The following SORCS2 variants were observed in gnomAD, a reference collection of about 807,000 sequenced individuals.
The protein encoded by SORCS2 is VPS10 domain-containing receptor SorCS2.
In SORCS2, 100 loss-of-function variants were observed where a neutral mutation model predicts 141.6. That is an observed-to-expected ratio of 0.71 (90% CI 0.60 to 0.83). The LOEUF is 0.83. SORCS2 is among the 40% of genes least tolerant of loss of function. The pLI is 0.00. For missense variants in SORCS2, 1,646 were observed against 1,560.2 expected, an observed-to-expected ratio of 1.05 and a Z score of -0.93; for synonymous variants, 789 against 676.9, an observed-to-expected ratio of 1.17 and a Z score of -2.57.
In SORCS2 at chr4:7,685,688, A is replaced by ATATATATATATATATAT. The variant is rs1553904098; in HGVS notation, c.1488+2799_1488+2800insTATATATATATATATAT. On this transcript the variant is annotated intron_variant, in intron 10 of 26. Transcript: ENST00000507866. ...TCCACCTCAAAAATTAAAATAAATA[A>ATATATATATATATATAT]ATATATATATATATGACAGCCGTAT... Among the ~76,000 whole-genome samples, 98 of 149,702 alleles carry ATATATATATATATATAT rather than the reference A, an allele frequency of 6.5e-4. 2 individuals carry two copies. The highest frequency in any genetic ancestry group is 2.3e-3 in the African/African-American group (94 of 40,342).
Position 7,235,473 on chromosome 4 carries a change from G to C in SORCS2, c.480+42347G>C, listed in dbSNP as rs183760123. Reference sequence around the variant, plus strand: ...GTCCAATCCTGGTCCCCTTAGCCTTGAGTGACTGTGTCTTGACTGTAGGCT... The same window carrying C: ...GTCCAATCCTGGTCCCCTTAGCCTTCAGTGACTGTGTCTTGACTGTAGGCT... On this transcript the variant is annotated intron_variant, in intron 1 of 26. Transcript: ENST00000507866. 3.6e-3 allele frequency among the ~76,000 whole-genome samples: 546 copies of C among 152,244 alleles called. 2 individuals are homozygous for C. The highest frequency in any genetic ancestry group is 0.012 in the African/African-American group (515 of 41,476).
intron 1 of SORCS2, among the ~76,000 whole-genome samples, chr4:7,373,032 T>G (rs1208247738): frequency 6.6e-6 from 1 of 150,474 alleles, no homozygotes; most frequent in Non-Finnish European, 1.5e-5. Context: ...TCCCCTATCA[T>G]GCATAAAGTG....
At chr4:7,558,654 A>C (rs1714308231) in intron 3 of SORCS2, among the ~76,000 whole-genome samples, 1 of 152,180 alleles carries the variant, frequency 6.6e-6, no homozygotes, top group South Asian at 2.1e-4. Context: ...TATGACCGGC[A>C]CAGGGACACC....
chr4:7,489,743 TC>T (rs869280795), intron 2 of SORCS2, among the ~76,000 whole-genome samples: 1 of 126,462 alleles, frequency 7.9e-6, no homozygotes. Context: ...ACAGACGGAG[TC>T]TGTGTTTTGG....
At chr4:7,465,338 A>G (rs1938373206) in intron 2 of SORCS2, among the ~76,000 whole-genome samples, 1 of 152,220 alleles carries the variant, frequency 6.6e-6, no homozygotes, top group African/African-American at 2.4e-5. Flanking sequence ...AAGGGCACAC[A>G]TCTTGCGAGT....
At chr4:7,339,167 G>A (rs1251251028) in intron 1 of SORCS2, among the ~76,000 whole-genome samples, 1 of 152,174 alleles carries the variant, frequency 6.6e-6, no homozygotes, top group Non-Finnish European at 1.5e-5. Flanking sequence ...GAGAAAACCA[G>A]CCCATGGAGC....
chr4:7,486,221 G>T (rs977010575), intron 2 of SORCS2, among the ~76,000 whole-genome samples: 2 of 152,258 alleles, frequency 1.3e-5, no homozygotes, highest in Admixed American at 1.3e-4. Flanking sequence ...CAGTGGAGGG[G>T]GGCCCTCCAG....
intron 5 of SORCS2, among the ~76,000 whole-genome samples, chr4:7,656,206 AGCAAGCAAGCTCATTAGAGTGGCCT>A (rs1388160789): frequency 2.2e-4 from 33 of 152,354 alleles, no homozygotes; most frequent in African/African-American, 7.9e-4. Context: ...GAAGCTACAC[AGCAAGCAAGCTCATTAGAGTGGCCT>A]GCAAGCGAGA....
chr4:7,555,397 C>G (rs1714033353), intron 3 of SORCS2, among the ~76,000 whole-genome samples: 1 of 152,194 alleles, frequency 6.6e-6, no homozygotes, highest in South Asian at 2.1e-4. Context: ...TGTGTGAGCC[C>G]ATGTAGCCTG....
At chr4:7,473,233 G>C (rs998722333) in intron 2 of SORCS2, among the ~76,000 whole-genome samples, 19 of 152,326 alleles carry the variant, frequency 1.2e-4, no homozygotes, top group African/African-American at 4.6e-4. Context: ...TTGAATGTAA[G>C]GGCTCGGGCT....
intron 2 of SORCS2, among the ~76,000 whole-genome samples, chr4:7,415,370 C>T (rs766257280): frequency 6.6e-6 from 1 of 152,220 alleles, no homozygotes; most frequent in Non-Finnish European, 1.5e-5. Flanking sequence ...AGTTGGAATG[C>T]AGAGGCTGCC....
At chr4:7,322,452 C>T (rs947479134) in intron 1 of SORCS2, among the ~76,000 whole-genome samples, 9 of 152,320 alleles carry the variant, frequency 5.9e-5, no homozygotes, top group South Asian at 2.1e-4. Context: ...TAAGGTGTAC[C>T]GCGTCCCGCT....
intron 2 of SORCS2, among the ~76,000 whole-genome samples, chr4:7,494,894 G>A (rs1414563830): frequency 2.0e-5 from 3 of 152,236 alleles, no homozygotes; most frequent in Admixed American, 2.0e-4. Flanking sequence ...ACTGGAAGTG[G>A]GTGATGGAGC....
chr4:7,437,025 G>A (rs1399851127), intron 2 of SORCS2, among the ~76,000 whole-genome samples: 1 of 152,158 alleles, frequency 6.6e-6, no homozygotes, highest in Non-Finnish European at 1.5e-5. Flanking sequence ...GGACTGGGGT[G>A]TTTTCCAACA....
intron 3 of SORCS2, among the ~76,000 whole-genome samples, chr4:7,602,265 C>T (rs1316276271): frequency 4.6e-5 from 7 of 150,590 alleles, no homozygotes; most frequent in African/African-American, 1.7e-4. Context: ...CGCCCCCCAC[C>T]TCCCTCCCGG....
intron 2 of SORCS2, among the ~76,000 whole-genome samples, chr4:7,411,760 G>A (rs143204483): frequency 6.6e-5 from 10 of 152,280 alleles, no homozygotes; most frequent in African/African-American, 1.9e-4. Context: ...GTAATCTACC[G>A]TATGGTGGGG....
At chr4:7,418,198 T>C (rs1725819787) in intron 2 of SORCS2, among the ~76,000 whole-genome samples, 1 of 152,166 alleles carries the variant, frequency 6.6e-6, no homozygotes, top group African/African-American at 2.4e-5. Flanking sequence ...AGATTCAATG[T>C]TGAATGAGGC....
At chr4:7,403,998 T>TATATATATATATATATATATA (rs59841056) in intron 2 of SORCS2, among the ~76,000 whole-genome samples, 17 of 12,366 alleles carry the variant, frequency 1.4e-3, no homozygotes, top group Non-Finnish European at 1.8e-3. Context: ...TATATATATA[T>TATATATATATATATATATATA]TTTTTTTTTT....
In SORCS2 at chr4:7,201,299, G is replaced by C. The variant is rs1236743963; in HGVS notation, c.480+8173G>C. Among the ~76,000 whole-genome samples, 4 of 152,180 alleles carry C rather than the reference G, an allele frequency of 2.6e-5. No homozygotes were observed. Among genetic ancestry groups the C allele is most frequent in the African/African-American group, 9.6e-5 (4 of 41,452 alleles). ...GTGCGTTGATCAAGAAGCCTGGCTC[G>C]AAGTCATAGAGACAGCCCTGTTAAT... On this transcript the variant is annotated intron_variant, in intron 1 of 26. Coordinates refer to ENST00000507866, the MANE Select transcript of SORCS2 (RefSeq NM_020777.3). This position sits in a 1 kb window ranked among gnomAD's most constrained non-coding sequence, Gnocchi z 4.4.
Sources: gnomAD v4.1 joint callset for allele counts (sites outside exome capture counted in the v4.1 genomes callset) on GRCh38, gnomAD v4.1.1 for gene constraint, Gnocchi (gnomAD v3.1) non-coding constraint, MANE v1.5 for transcripts, NCBI Gene and HGNC (gene_info 2026-07-23, HGNC 2026-07-21) for gene names.